UACA: variants seen among roughly 807,000 people sequenced by gnomAD.
UACA encodes the protein nuclear membrane binding protein.
Under a neutral mutation model 160.5 loss-of-function variants are expected in UACA, and 112 were observed. The ratio of observed to expected loss-of-function variants is 0.70; its 90% CI spans 0.60 to 0.82. The LOEUF (loss-of-function observed/expected upper bound fraction) is 0.82, where lower values mean the gene tolerates loss of function less well. UACA is among the 40% of genes least tolerant of loss of function. UACA has a pLI of 0.00. For missense variants in UACA, 1,574 were observed against 1,614.6 expected (o/e 0.97, Z 0.43); for synonymous variants, 557 against 568.4 (o/e 0.98, Z 0.29).
At chr15:70,720,089 T>C (rs1459873710) in intron 1 of UACA, among the ~76,000 whole-genome samples, 1 of 152,210 alleles carries the variant, frequency 6.6e-6, no homozygotes. Flanking sequence ...TCATGAGATC[T>C]GGTTGTTTAA....
intron 4 of UACA, 142 bp downstream of exon 4, chr15:70,691,157 C>T: frequency 1.8e-6 from 1 of 547,478 alleles, no homozygotes; most frequent in Non-Finnish European, 3.1e-6. Flanking sequence ...CATTCCTTCA[C>T]AAATGATGGA....
rs1896481415 is a variant in UACA at position 70,656,625 on chromosome 15, CTG to C, written c.*429_*430del. On this transcript the variant is annotated 3_prime_UTR_variant, in exon 19 of 19. Transcript: ENST00000322954. ...CCAAGTTACAACACATTCCTCACAA[CTG>C]TATTATGTCTCAAGGTTCTGAGGAT... 6.4e-6 allele frequency: 1 copy of C among 155,332 alleles called. No homozygotes were observed. Among genetic ancestry groups the C allele is most frequent in the Admixed American group, 6.3e-5 (1 of 15,898 alleles). 9.6% of individuals were successfully genotyped at this position (155,332 alleles called of 1,614,324 possible). A position where few individuals can be genotyped will look rare whatever the true frequency, so the allele number is the denominator to read the frequency against.
At chr15:70,677,380 T>C (rs1332376496) in intron 11 of UACA, among the ~76,000 whole-genome samples, 1 of 152,234 alleles carries the variant, frequency 6.6e-6, no homozygotes, top group African/African-American at 2.4e-5. Flanking sequence ...CTACTTGTTC[T>C]TGGTCCTCAT....
At chr15:70,744,136 T>C (rs1325359133) in intron 1 of UACA, among the ~76,000 whole-genome samples, 2 of 148,638 alleles carry the variant, frequency 1.3e-5, no homozygotes, top group Non-Finnish European at 3.0e-5. Flanking sequence ...TCCCAGCTAC[T>C]GGAGAGGCTG....
At chr15:70,756,248 C>A (rs548407245) in intron 1 of UACA, among the ~76,000 whole-genome samples, 1 of 151,740 alleles carries the variant, frequency 6.6e-6, no homozygotes, top group Non-Finnish European at 1.5e-5. Context: ...CTCACTGCAA[C>A]CTCCGCCTCC....
At chr15:70,766,254 G>A (rs1469943706), upstream of UACA, among the ~76,000 whole-genome samples, 1 of 152,102 alleles carries the variant, frequency 6.6e-6, no homozygotes, top group Non-Finnish European at 1.5e-5. Context: ...ACATTGATCT[G>A]GAAGCTGCCT....
chr15:70,743,082 C>T (rs975587526), intron 1 of UACA, among the ~76,000 whole-genome samples: 10 of 152,216 alleles, frequency 6.6e-5, no homozygotes, highest in African/African-American at 2.4e-4. Context: ...CTGAGGTCCC[C>T]GTTTCTGATG....
chr15:70,766,829 C>A (rs943500069), upstream of UACA, among the ~76,000 whole-genome samples: 3 of 152,160 alleles, frequency 2.0e-5, no homozygotes, highest in Non-Finnish European at 4.4e-5. Context: ...GCAGAGGATA[C>A]CCAGGGGACC....
chr15:70,777,100 G>C, the UACA span, among the ~76,000 whole-genome samples: 25,560 of 152,120 alleles, frequency 0.17, 3,088 homozygotes, highest in African/African-American at 0.34. Context: ...GTAAAGAAAT[G>C]ATTGGATTCT....
intron 1 of UACA, among the ~76,000 whole-genome samples, chr15:70,702,787 A>T (rs1595899843): frequency 6.6e-6 from 1 of 152,218 alleles, no homozygotes; most frequent in African/African-American, 2.4e-5. Flanking sequence ...TCAGCTTACA[A>T]CTGCTGCCAG....
rs1158956599 is a variant in UACA at position 70,668,645 on chromosome 15, T to G, written c.2039A>C (p.Gln680Pro). 2 of 1,613,992 alleles carry G rather than the reference T, an allele frequency of 1.2e-6. No individual in the cohort carries two copies. Among genetic ancestry groups the G allele is most frequent in the East Asian group, 2.2e-5 (1 of 44,880 alleles). The part of the protein sequence containing the change: ...ELENVKAKLA[Q>P]HVKPEEHEQV... ...TTCATGTTCCTCTGGTTTGACGTGC[T>G]GAGCAAGCTTGGCCTTAACATTCTC... The change falls in exon 16 of 19, where the codon CAG (glutamine) becomes CCG (proline). Residue 680 changes from glutamine to proline, a missense_variant. Physicochemically the swap from Gln to Pro is moderately conservative, Grantham distance 76. Coordinates refer to ENST00000322954, the MANE Select transcript of UACA (RefSeq NM_018003.4).
chr15:70,710,630 C>A (rs1272786145), intron 1 of UACA, among the ~76,000 whole-genome samples: 1 of 152,186 alleles, frequency 6.6e-6, no homozygotes, highest in Non-Finnish European at 1.5e-5. Flanking sequence ...TCAGGGTTCC[C>A]ATGACCCATG....
chr15:70,754,184 G>A (rs1167024139), intron 1 of UACA: 1 of 455,848 alleles, frequency 2.2e-6, no homozygotes, highest in Admixed American at 2.3e-5. Context: ...ACATTCACCT[G>A]CGCTCTCTCA....
In UACA at chr15:70,694,404, G is replaced by A. The variant is rs1314078139; in HGVS notation, c.301+613C>T. Among the ~76,000 whole-genome samples the A allele has an allele frequency of 3.9e-5, 6 of 151,912 alleles. No homozygotes were observed. The East Asian group carries it at 1.2e-3, about 29-fold the overall frequency. On this transcript the variant is annotated intron_variant, in intron 3 of 18. Transcript: ENST00000322954. ...TATATTTCGATTCTCTATAAAAAATGATTTTTTTATAAATATAGCTAGGCA... is the reference window on the plus strand; with the variant it reads ...TATATTTCGATTCTCTATAAAAAATAATTTTTTTATAAATATAGCTAGGCA...
chr15:70,710,058 A>G (rs918389783), intron 1 of UACA, among the ~76,000 whole-genome samples: 2 of 152,130 alleles, frequency 1.3e-5, no homozygotes, highest in African/African-American at 4.8e-5. Context: ...AGGAGTTGAG[A>G]CCAGCCTGGG....
At chr15:70,777,304 A>G in the UACA span, among the ~76,000 whole-genome samples, 5 of 152,174 alleles carry the variant, frequency 3.3e-5, no homozygotes, top group Non-Finnish European at 7.3e-5. Flanking sequence ...TGTCTATTAC[A>G]TATCCAAGTG....
rs376472787 is a variant in UACA at position 70,668,121 on chromosome 15, T to C, written c.2563A>G (p.Met855Val). Residue 855 changes from methionine (M) to valine (V), a missense_variant, in exon 16 of 19, where the codon ATG becomes GTG. By Grantham distance (21) the Met-to-Val change is conservative. Transcript: ENST00000322954. ...TSENTNLKKM[M>V]SNQYVPVKTH... The stretch of plus-strand genomic sequence containing the variant: ...TTAACTGGCACATACTGATTACTCA[T>C]CATCTTCTTCAAGTTAGTGTTTTCA... The C allele has an allele frequency of 6.2e-6, 10 of 1,613,660 alleles. No homozygotes were observed. Among genetic ancestry groups the C allele is most frequent in the African/African-American group, 1.3e-5 (1 of 74,934 alleles).
In UACA at chr15:70,682,808, GA is replaced by G; in HGVS notation, c.785-14del. 1 of 1,553,182 alleles carries G rather than the reference GA, an allele frequency of 6.4e-7. No homozygotes were observed. The highest frequency in any genetic ancestry group is 1.3e-5 in the South Asian group (1 of 77,432). On this transcript the variant is annotated splice_polypyrimidine_tract_variant and intron_variant, in intron 8 of 18. Coordinates refer to ENST00000322954, the MANE Select transcript of UACA (RefSeq NM_018003.4). ...CAAAGTTCTCTCCCTAAGATTTAGA[GA>G]AAAAGAGAAACAACAAAATGGCAGG...
intron 1 of UACA, among the ~76,000 whole-genome samples, chr15:70,707,398 G>C (rs557322648): frequency 6.6e-6 from 1 of 152,044 alleles, no homozygotes; most frequent in Non-Finnish European, 1.5e-5. Context: ...GACACCAAAA[G>C]CTCAGCTACA....
Sources: allele counts gnomAD v4.1 joint callset (sites outside exome capture counted in the v4.1 genomes callset), GRCh38; gene constraint gnomAD v4.1.1; transcripts MANE v1.5; gene names NCBI Gene and HGNC (gene_info 2026-07-23, HGNC 2026-07-21).